Variants in CLCN5 observed in about 807,000 individuals in gnomAD.
CLCN5 encodes the protein Cl-/H+ antiporter 5.
Under a neutral mutation model 54.0 loss-of-function variants are expected in CLCN5, and 17 were observed. The observed-to-expected ratio is 0.31, with a 90% CI of 0.22 to 0.47. The LOEUF (loss-of-function observed/expected upper bound fraction) is 0.47. CLCN5 is among the 20% of genes least tolerant of loss of function. CLCN5 has a pLI of 1.00. For synonymous variants in CLCN5, 222 were observed against 233.0 expected, an observed-to-expected ratio of 0.95 and a Z score of 0.43; for missense variants, 448 against 646.7, an observed-to-expected ratio of 0.69 and a Z score of 3.33.
intron 3 of CLCN5, among the ~76,000 whole-genome samples, chrX:50,016,123 AGG>A (rs1930777083): frequency 9.0e-6 from 1 of 111,670 alleles, no homozygotes; most frequent in Non-Finnish European, 1.9e-5. Flanking sequence ...ATAAACTCTC[AGG>A]CCTCACCTCA....
chrX:49,993,153 T>C (rs1929346325), intron 3 of CLCN5, among the ~76,000 whole-genome samples: 1 of 111,346 alleles, frequency 9.0e-6, no homozygotes, highest in African/African-American at 3.3e-5. Context: ...CATTTAAGGT[T>C]TCCTCCCCAC....
At chrX:49,926,689 A>C (rs1925360400) in intron 3 of CLCN5, among the ~76,000 whole-genome samples, 1 of 112,197 alleles carries the variant, frequency 8.9e-6, no homozygotes, top group African/African-American at 3.2e-5. Flanking sequence ...AGGCCAGATA[A>C]TAAAGAGCCT....
intron 4 of CLCN5, among the ~76,000 whole-genome samples, chrX:50,053,589 A>G: frequency 9.0e-6 from 1 of 111,107 alleles, no homozygotes; most frequent in Non-Finnish European, 1.9e-5. Flanking sequence ...CTAGTTCCCT[A>G]AGATGGAAGC....
At chrX:49,938,370 G>A (rs921442738) in intron 3 of CLCN5, among the ~76,000 whole-genome samples, 11 of 111,495 alleles carry the variant, frequency 9.9e-5, no homozygotes, top group African/African-American at 1.9e-4. Flanking sequence ...GAGACATCAC[G>A]CTACCTGACT....
chrX:50,035,405 CA>C (rs1931946708), intron 3 of CLCN5, among the ~76,000 whole-genome samples: 1 of 111,593 alleles, frequency 9.0e-6, no homozygotes, highest in South Asian at 3.7e-4. Flanking sequence ...CCTCAGTAAG[CA>C]TTTATTGAAC....
intron 4 of CLCN5, among the ~76,000 whole-genome samples, chrX:50,066,163 T>TAAAA (rs11393952): frequency 2.2e-5 from 1 of 45,163 alleles, no homozygotes; most frequent in East Asian, 6.6e-4. Context: ...AAAGTATAAT[T>TAAAA]AAAAAAAAAA....
intron 3 of CLCN5, among the ~76,000 whole-genome samples, chrX:49,951,513 A>G (rs1927042342): frequency 8.9e-6 from 1 of 112,280 alleles, no homozygotes; most frequent in African/African-American, 3.2e-5. Flanking sequence ...TCAGTGACTT[A>G]GACTTTGCCA....
chrX:49,931,944 C>T (rs1450840368), intron 3 of CLCN5, among the ~76,000 whole-genome samples: 5 of 109,374 alleles, frequency 4.6e-5, no homozygotes, highest in Non-Finnish European at 7.6e-5. Flanking sequence ...GCTGTGGGGA[C>T]TCCCTCTGTC....
intron 7 of CLCN5, among the ~76,000 whole-genome samples, chrX:50,076,856 A>G (rs1040082566): frequency 8.9e-6 from 1 of 111,951 alleles, no homozygotes; most frequent in Non-Finnish European, 1.9e-5. Flanking sequence ...TTTGATGCCA[A>G]GGTAACTTTG....
intron 3 of CLCN5, among the ~76,000 whole-genome samples, chrX:49,976,655 T>C (rs1353415005): frequency 3.6e-5 from 4 of 112,523 alleles, no homozygotes; most frequent in African/African-American, 1.3e-4. Flanking sequence ...GCCAGGACTA[T>C]CATCCCTCTA....
At chrX:49,980,901 T>C (rs1290115266) in intron 3 of CLCN5, among the ~76,000 whole-genome samples, 2 of 111,765 alleles carry the variant, frequency 1.8e-5, no homozygotes, top group Non-Finnish European at 3.8e-5. Flanking sequence ...CAGAACTTTA[T>C]TATTTTCTAT....
rs190335095 is a variant in CLCN5 at position 50,006,950 on chromosome X, T to G, written c.17-35366T>G. On this transcript the variant is annotated intron_variant, in intron 3 of 14. Coordinates refer to ENST00000376091, the MANE Select transcript of CLCN5 (RefSeq NM_001127898.4). ...TGCTGGGGATACTGGAGAATGAATTTACTTTAGTTCCCACCCCCCAAGCAC... is the reference window on the plus strand; with the variant it reads ...TGCTGGGGATACTGGAGAATGAATTGACTTTAGTTCCCACCCCCCAAGCAC... 6.7e-3 allele frequency among the ~76,000 whole-genome samples: 744 copies of G among 111,346 alleles called. 4 individuals are homozygous for G. Among genetic ancestry groups the G allele is most frequent in the African/African-American group, 0.022 (687 of 30,626 alleles).
At chrX:50,012,647 T>C (rs782345924) in intron 3 of CLCN5, among the ~76,000 whole-genome samples, 4 of 112,045 alleles carry the variant, frequency 3.6e-5, no homozygotes, top group African/African-American at 6.5e-5. Context: ...GCATCACCCC[T>C]CTATGTCCCA....
At position 50,054,055 on chromosome X, in the gene CLCN5, C is replaced by G. The variant is rs140192785; in HGVS notation, c.163+11593C>G. 9.1e-4 allele frequency among the ~76,000 whole-genome samples: 101 copies of G among 111,141 alleles called. 1 individual carries two copies. Among genetic ancestry groups the G allele is most frequent in the African/African-American group, 3.2e-3 (98 of 30,607 alleles). On this transcript the variant is annotated intron_variant, in intron 4 of 14. Coordinates refer to ENST00000376091, the MANE Select transcript of CLCN5 (RefSeq NM_001127898.4). ...TCAACTGTGATCCACTATTATTATA[C>G]TGGAGCCCTGATGAGGTGGTGGTGA...
chrX:50,042,108 G>A (rs1932238871), intron 3 of CLCN5, among the ~76,000 whole-genome samples: 1 of 111,942 alleles, frequency 8.9e-6, no homozygotes, highest in Non-Finnish European at 1.9e-5. Context: ...CCAGGGCCTG[G>A]GGGATGGGGA....
At chrX:50,079,569 G>A (rs1933590867) in intron 7 of CLCN5, among the ~76,000 whole-genome samples, 1 of 111,954 alleles carries the variant, frequency 8.9e-6, no homozygotes, top group Admixed American at 9.5e-5. Context: ...TATCACAGGG[G>A]AATAGTCTCA....
intron 3 of CLCN5, among the ~76,000 whole-genome samples, chrX:50,030,507 A>G (rs181774946): frequency 1.1e-3 from 126 of 111,850 alleles, no homozygotes; most frequent in African/African-American, 3.4e-3. Flanking sequence ...AATACCATAT[A>G]TCTTCCTTTT....
chrX:50,078,453 G>A (rs1367851793), intron 7 of CLCN5, among the ~76,000 whole-genome samples: 4 of 112,311 alleles, frequency 3.6e-5, no homozygotes, highest in African/African-American at 1.3e-4. Flanking sequence ...TTGCATAAAT[G>A]TAGTACCATA....
chrX:50,006,316 G>A (rs1930147068), intron 3 of CLCN5, among the ~76,000 whole-genome samples: 1 of 112,307 alleles, frequency 8.9e-6, no homozygotes, highest in African/African-American at 3.2e-5. Context: ...TGCTGACACT[G>A]CCTCTTTAAT....
Sources: allele counts gnomAD v4.1 joint callset (sites outside exome capture counted in the v4.1 genomes callset), GRCh38; gene constraint gnomAD v4.1.1; transcripts MANE v1.5; gene names NCBI Gene and HGNC (gene_info 2026-07-23, HGNC 2026-07-21).